Variants in MYT1L observed in about 807,000 individuals in gnomAD.
The protein encoded by MYT1L is myelin transcription factor 1-like protein.
Under a neutral mutation model 126.7 loss-of-function variants are expected in MYT1L, and 12 were observed. The ratio of observed to expected loss-of-function variants is 0.09; its 90% CI spans 0.06 to 0.15. The LOEUF (loss-of-function observed/expected upper bound fraction) is 0.15. Ranked by LOEUF, MYT1L falls within the 10% of genes least tolerant of loss-of-function variation. MYT1L has a pLI of 1.00. For synonymous variants in MYT1L, 541 were observed against 604.2 expected (o/e 0.90, Z 1.53); for missense variants, 979 against 1,585.2 (o/e 0.62, Z 6.49).
At chr2:2,148,410 T>TG (rs959662953) in intron 3 of MYT1L, among the ~76,000 whole-genome samples, 11 of 152,124 alleles carry the variant, frequency 7.2e-5, no homozygotes, top group Non-Finnish European at 1.3e-4. Flanking sequence ...GCTGATCTGA[T>TG]GGGGGGCGGA....
chr2:1,973,250 A>T (rs977099207), intron 8 of MYT1L, among the ~76,000 whole-genome samples: 5 of 152,252 alleles, frequency 3.3e-5, no homozygotes, highest in Non-Finnish European at 7.3e-5. Context: ...AAGGAAGGTT[A>T]AAATTCAAAT....
At chr2:2,263,067 A>C (rs1324784601) in intron 2 of MYT1L, among the ~76,000 whole-genome samples, 1 of 150,282 alleles carries the variant, frequency 6.7e-6, no homozygotes, top group Admixed American at 6.7e-5. Flanking sequence ...AAATTTCCAG[A>C]TATAAAACAC....
At chr2:2,069,612 G>T (rs953226234) in intron 3 of MYT1L, among the ~76,000 whole-genome samples, 1 of 152,044 alleles carries the variant, frequency 6.6e-6, no homozygotes, top group African/African-American at 2.4e-5. Flanking sequence ...GGCTCAAGTG[G>T]TATTTCTAGT....
intron 23 of MYT1L, among the ~76,000 whole-genome samples, chr2:1,795,927 C>T (rs766009375): frequency 6.6e-6 from 1 of 152,152 alleles, no homozygotes; most frequent in Non-Finnish European, 1.5e-5. Context: ...TCTTAGATTG[C>T]GCAGTCTCTG....
chr2:2,274,553 G>T (rs934890246), intron 2 of MYT1L, among the ~76,000 whole-genome samples: 1 of 152,146 alleles, frequency 6.6e-6, no homozygotes, highest in African/African-American at 2.4e-5. Context: ...GGAAGATTTT[G>T]TTTCAGGAGA....
At position 1,929,077 on chromosome 2, in the gene MYT1L, A is replaced by G. The variant is rs2054602131; in HGVS notation, c.506-5814T>C. Reference sequence around the variant, plus strand: ...CCTGGCTACTCCCCTGGCCAGGACCAGGCGGAGAAGCGTGAGTTCATTTCC... The same window carrying G: ...CCTGGCTACTCCCCTGGCCAGGACCGGGCGGAGAAGCGTGAGTTCATTTCC... On this transcript the variant is annotated intron_variant, in intron 9 of 24. Coordinates refer to ENST00000647738, the MANE Select transcript of MYT1L (RefSeq NM_001303052.2). This position sits in a 1 kb window ranked among gnomAD's most constrained non-coding sequence, Gnocchi z 4.7. 6.6e-6 allele frequency among the ~76,000 whole-genome samples: 1 copy of G among 152,148 alleles called. No homozygotes were observed. Among genetic ancestry groups the G allele is most frequent in the African/African-American group, 2.4e-5 (1 of 41,424 alleles).
At chr2:2,280,718 A>G (rs1014268321) in intron 2 of MYT1L, among the ~76,000 whole-genome samples, 1 of 152,240 alleles carries the variant, frequency 6.6e-6, no homozygotes, top group Admixed American at 6.5e-5. Flanking sequence ...CAGCAGGGTC[A>G]GACCCCATCA....
intron 18 of MYT1L, among the ~76,000 whole-genome samples, chr2:1,872,788 G>A (rs2046425404): frequency 6.6e-6 from 1 of 152,162 alleles, no homozygotes; most frequent in Non-Finnish European, 1.5e-5. Flanking sequence ...ATTCTTTTCT[G>A]TAATAAATGC....
chr2:2,296,660 T>G (rs936328360), intron 1 of MYT1L, among the ~76,000 whole-genome samples: 3 of 152,128 alleles, frequency 2.0e-5, no homozygotes, highest in African/African-American at 7.2e-5. Flanking sequence ...CTGTGGTACC[T>G]CAGGCCCGGT....
rs1559582621 is a variant in MYT1L, at chr2:2,295,537, T to TAGAGAGAGAGATAGAGAGACAGACAGAC, written c.-520-11035_-520-11034insGTCTGTCTGTCTCTCTATCTCTCTCTCT. ...GGGGCAGAGGAGGTGCAGAGAAAGA[T>TAGAGAGAGAGATAGAGAGACAGACAGAC]AGAGAGAGAGAGAGAGAGACAGACA... On this transcript the variant is annotated intron_variant, in intron 1 of 24. Coordinates refer to ENST00000647738, the MANE Select transcript of MYT1L (RefSeq NM_001303052.2). Among the ~76,000 whole-genome samples the TAGAGAGAGAGATAGAGAGACAGACAGAC allele has an allele frequency of 7.5e-3, 244 of 32,516 alleles. 62 individuals are homozygous for TAGAGAGAGAGATAGAGAGACAGACAGAC. Among genetic ancestry groups the TAGAGAGAGAGATAGAGAGACAGACAGAC allele is most frequent in the African/African-American group, 0.023 (222 of 9,858 alleles). The allele number at this position is 32,516 out of a possible 152,430, so 21.3% of individuals were successfully genotyped here. A position where few individuals can be genotyped will look rare whatever the true frequency, so the allele number is the denominator to read the frequency against.
At chr2:2,123,243 CT>C (rs2147920978) in intron 3 of MYT1L, among the ~76,000 whole-genome samples, 1 of 152,250 alleles carries the variant, frequency 6.6e-6, no homozygotes, top group Non-Finnish European at 1.5e-5. Flanking sequence ...ATCTTAGAGC[CT>C]GTGGGAGGCG....
chr2:2,101,433 TAAA>T (rs2078066046), intron 3 of MYT1L, among the ~76,000 whole-genome samples: 1 of 152,088 alleles, frequency 6.6e-6, no homozygotes, highest in Admixed American at 6.6e-5. Context: ...CTTCAGGCAT[TAAA>T]TCCACTCATC....
At chr2:2,072,961 G>A (rs1212393570) in intron 3 of MYT1L, among the ~76,000 whole-genome samples, 1 of 152,120 alleles carries the variant, frequency 6.6e-6, no homozygotes, top group African/African-American at 2.4e-5. Context: ...CCAAGACCAA[G>A]GTTTGGGCAG....
At chr2:1,969,233 G>C (rs2059621632) in intron 8 of MYT1L, among the ~76,000 whole-genome samples, 1 of 152,210 alleles carries the variant, frequency 6.6e-6, no homozygotes, top group African/African-American at 2.4e-5. Context: ...GGGCAGGTGG[G>C]AGGAGCTGTG....
chr2:2,064,327 A>G (rs917829871), intron 3 of MYT1L, among the ~76,000 whole-genome samples: 1 of 152,214 alleles, frequency 6.6e-6, no homozygotes, highest in African/African-American at 2.4e-5. Flanking sequence ...GTGTCCTAAC[A>G]GCAGGTGAAA....
chr2:2,262,115 T>C (rs950429216), intron 2 of MYT1L, among the ~76,000 whole-genome samples: 1 of 152,200 alleles, frequency 6.6e-6, no homozygotes, highest in Non-Finnish European at 1.5e-5. Flanking sequence ...TTTTCAGTGT[T>C]GAATCCCAAC....
chr2:1,885,134 C>T (rs1397530249), intron 18 of MYT1L: 1 of 152,198 alleles, frequency 6.6e-6, no homozygotes, highest in Non-Finnish European at 1.5e-5. Context: ...GCAAAGTGTC[C>T]CTCATCAAGA....
chr2:1,917,394 G>A lies in MYT1L; in HGVS notation c.1484-55C>T. On this transcript the variant is annotated intron_variant, in intron 10 of 24. Transcript: ENST00000647738. This position sits in a 1 kb window ranked among gnomAD's most constrained non-coding sequence, Gnocchi z 5.9. ...AAATGTTTACCAATCAAAGACAAAT[G>A]TGATTATTTCACAATCTGAAGAAAC... The A allele has an allele frequency of 1.3e-6, 2 of 1,546,914 alleles. No individual in the cohort carries two copies. The highest frequency in any genetic ancestry group is 1.2e-5 in the South Asian group (1 of 83,732).
chr2:1,855,164 TA>T (rs1250989564), intron 18 of MYT1L, among the ~76,000 whole-genome samples: 2 of 152,206 alleles, frequency 1.3e-5, no homozygotes, highest in South Asian at 4.2e-4. Flanking sequence ...ATCTCAACAT[TA>T]AAAAAATACA....
Sources: gnomAD v4.1 joint callset for allele counts (sites outside exome capture counted in the v4.1 genomes callset) on GRCh38, gnomAD v4.1.1 for gene constraint, Gnocchi (gnomAD v3.1) non-coding constraint, MANE v1.5 for transcripts, NCBI Gene and HGNC (gene_info 2026-07-23, HGNC 2026-07-21) for gene names.